STPG2: variants seen among roughly 807,000 people sequenced by gnomAD.
STPG2 encodes the protein sperm-tail PG-rich repeat-containing protein 2.
Under a neutral mutation model 54.2 loss-of-function variants are expected in STPG2, and 56 were observed. The observed-to-expected ratio is 1.03, with a 90% CI of 0.83 to 1.29. The LOEUF is 1.29. Ranked by LOEUF, STPG2 falls within the 50% of genes most tolerant of loss-of-function variation. The pLI, the probability that STPG2 is intolerant of heterozygous loss-of-function variation, is 0.00. For synonymous variants in STPG2, 200 were observed against 181.8 expected (o/e 1.10, Z -0.81); for missense variants, 596 against 544.9 (o/e 1.09, Z -0.93).
At chr4:98,062,161 T>C (rs1392035141) in intron 5 of STPG2, among the ~76,000 whole-genome samples, 5 of 152,004 alleles carry the variant, frequency 3.3e-5, no homozygotes, top group African/African-American at 7.3e-5. Flanking sequence ...ATGGATGGAG[T>C]TGGAGGCTAT....
chr4:97,943,131 G>A (rs1733054143), intron 8 of STPG2, among the ~76,000 whole-genome samples: 1 of 152,060 alleles, frequency 6.6e-6, no homozygotes, highest in South Asian at 2.1e-4. Flanking sequence ...GGTAAAAGGG[G>A]CAAACGAGCC....
At position 97,799,701 on chromosome 4, in the gene STPG2, CTG is replaced by C. The variant is rs1481996563; in HGVS notation, c.1204+41070_1204+41071del. On this transcript the variant is annotated intron_variant, in intron 9 of 10. Coordinates refer to ENST00000295268, the MANE Select transcript of STPG2 (RefSeq NM_174952.3). ...TCAAGGAGTATCTTTGTGGCATTCT[CTG>C]TATTTCCTGAATTTGAATGTTGGCC... is the stretch of plus-strand genomic sequence containing the variant. 4.6e-5 allele frequency among the ~76,000 whole-genome samples: 7 copies of C among 152,260 alleles called. No individual in the cohort carries two copies. In the East Asian group the frequency reaches 1.4e-3, roughly 29 times the overall value.
At chr4:97,526,793 G>A (rs997584413) in intron 4 of STPG2, among the ~76,000 whole-genome samples, 1 of 151,996 alleles carries the variant, frequency 6.6e-6, no homozygotes, top group Non-Finnish European at 1.5e-5. Context: ...TTCTTCCAGG[G>A]TTTTTATGGT....
intron 9 of STPG2, among the ~76,000 whole-genome samples, chr4:97,814,653 G>C (rs1391396799): frequency 6.6e-6 from 1 of 152,144 alleles, no homozygotes; most frequent in Non-Finnish European, 1.5e-5. Flanking sequence ...ATTTGAGTCA[G>C]TGGGCTGGGA....
chr4:97,750,950 T>C (rs572168039), intron 9 of STPG2, among the ~76,000 whole-genome samples: 1 of 151,932 alleles, frequency 6.6e-6, no homozygotes, highest in East Asian at 1.9e-4. Flanking sequence ...ATACAAATGC[T>C]TTAAGATGCT....
intron 5 of STPG2, among the ~76,000 whole-genome samples, chr4:98,062,037 G>T (rs1309156198): frequency 1.3e-5 from 2 of 152,108 alleles, no homozygotes; most frequent in Non-Finnish European, 2.9e-5. Flanking sequence ...CAAAGACATG[G>T]AATTAACCTA....
chr4:97,699,451 A>G lies in STPG2; in HGVS notation c.1320+13248T>C, dbSNP rs532352354. On this transcript the variant is annotated intron_variant, in intron 10 of 10. Transcript: ENST00000295268. ...TTTGACCACTCAGAGAGGTCCATCC[A>G]CATACCTCTTCCATAAATTTCTTTA... Among the ~76,000 whole-genome samples, 6 of 152,326 alleles carry G rather than the reference A, an allele frequency of 3.9e-5. No individual in the cohort carries two copies. The East Asian group carries it at 1.2e-3, about 29-fold the overall frequency.
At position 97,971,034 on chromosome 4, in the gene STPG2, C is replaced by A. The variant is rs193000657; in HGVS notation, c.933+1246G>T. Among the ~76,000 whole-genome samples, 7 of 152,282 alleles carry A rather than the reference C, an allele frequency of 4.6e-5. No homozygotes were observed. In the East Asian group the frequency reaches 1.2e-3, roughly 25 times the overall value. On this transcript the variant is annotated intron_variant, in intron 7 of 10. Transcript: ENST00000295268. Reference sequence around the variant, plus strand: ...CACTTCTCAAAAGAAGACAGTAATGCAGCCAACAGACACAAAAATTGCTCA... The same window carrying A: ...CACTTCTCAAAAGAAGACAGTAATGAAGCCAACAGACACAAAAATTGCTCA...
intron 4 of STPG2, among the ~76,000 whole-genome samples, chr4:97,504,193 TA>T (rs1254196332): frequency 6.8e-6 from 1 of 147,142 alleles, no homozygotes; most frequent in Non-Finnish European, 1.5e-5. Context: ...TATTTTTATT[TA>T]AATATTTATA....
Position 97,660,159 on chromosome 4 carries a change from A to C in STPG2, c.1320+52540T>G, listed in dbSNP as rs561097068. Reference sequence around the variant, plus strand: ...CTGGGACTACAGGCGCCCACCACTAAGCCCAGCTAATTTTTTGTATTTTTA... The same window carrying C: ...CTGGGACTACAGGCGCCCACCACTACGCCCAGCTAATTTTTTGTATTTTTA... On this transcript the variant is annotated intron_variant, in intron 10 of 10. Transcript: ENST00000295268. Among the ~76,000 whole-genome samples the C allele has an allele frequency of 2.0e-3, 300 of 152,062 alleles. 6 individuals carry two copies. In the East Asian group the frequency reaches 0.027, roughly 13 times the overall value.
At chr4:97,543,948 T>C (rs894426729) in intron 4 of STPG2, among the ~76,000 whole-genome samples, 2 of 152,034 alleles carry the variant, frequency 1.3e-5, no homozygotes, top group Non-Finnish European at 2.9e-5. Context: ...CACACATTAG[T>C]ATACTTCAAT....
chr4:97,610,842 T>C (rs367994467), intron 10 of STPG2, among the ~76,000 whole-genome samples: 2 of 150,502 alleles, frequency 1.3e-5, no homozygotes, highest in African/African-American at 2.4e-5. Flanking sequence ...AGTTATAATA[T>C]AAATGAAGGA....
rs546643941 is a variant in STPG2 at position 97,606,447 on chromosome 4, T to C, written c.1321-47330A>G. ...TGCATTGTACCAAAAATACAGAAAG[T>C]GTAAAAATATTTTATTGGAAAAAAC... On this transcript the variant is annotated intron_variant, in intron 10 of 10. Transcript: ENST00000295268. 8.9e-4 allele frequency among the ~76,000 whole-genome samples: 135 copies of C among 151,922 alleles called. 1 individual carries two copies. Among genetic ancestry groups the C allele is most frequent in the African/African-American group, 3.2e-3 (133 of 41,470 alleles).
rs1011019243 is a variant in STPG2, at chr4:97,524,693, A to G, written c.462+188006T>C. Among the ~76,000 whole-genome samples the G allele has an allele frequency of 1.3e-4, 20 of 152,060 alleles. 1 individual carries two copies. Among genetic ancestry groups the G allele is most frequent in the Non-Finnish European group, 2.4e-4 (16 of 67,898 alleles). The stretch of plus-strand genomic sequence containing the variant: ...ACAGCAATCCTCTTTTTTGGAGAAT[A>G]ATTTTTCTGAATTTCTTCCTAGTGT... On this transcript the variant is annotated intron_variant, in intron 4 of 4. Coordinates refer to the STPG2 transcript ENST00000522676.
At chr4:97,822,960 C>G (rs193203349) in intron 9 of STPG2, among the ~76,000 whole-genome samples, 30 of 152,276 alleles carry the variant, frequency 2.0e-4, no homozygotes, top group Non-Finnish European at 3.2e-4. Flanking sequence ...CCCTAATTAT[C>G]TTTGATTCTT....
At chr4:97,805,141 G>T (rs183531412) in intron 9 of STPG2, among the ~76,000 whole-genome samples, 21 of 152,212 alleles carry the variant, frequency 1.4e-4, no homozygotes, top group African/African-American at 5.1e-4. Context: ...ATATTGGGTT[G>T]AAACAGAACT....
At chr4:97,773,065 T>A (rs867969397) in intron 9 of STPG2, among the ~76,000 whole-genome samples, 31 of 152,314 alleles carry the variant, frequency 2.0e-4, no homozygotes, top group African/African-American at 6.7e-4. Flanking sequence ...TGAAATTGTA[T>A]CATCACTCCT....
intron 3 of STPG2, among the ~76,000 whole-genome samples, chr4:98,114,113 TAAGG>T (rs1465905137): frequency 6.6e-6 from 1 of 151,974 alleles, no homozygotes; most frequent in Non-Finnish European, 1.5e-5. Context: ...AAACAGAACT[TAAGG>T]AAGAGAGAGA....
intron 1 of STPG2, among the ~76,000 whole-genome samples, chr4:98,136,975 T>C (rs1347376233): frequency 6.6e-6 from 1 of 151,608 alleles, no homozygotes; most frequent in Non-Finnish European, 1.5e-5. Flanking sequence ...GGAAAGCAAA[T>C]AGCAAAAGAG....
Sources: allele counts gnomAD v4.1 joint callset (sites outside exome capture counted in the v4.1 genomes callset), GRCh38; gene constraint gnomAD v4.1.1; transcripts MANE v1.5; gene names NCBI Gene and HGNC (gene_info 2026-07-23, HGNC 2026-07-21).